Variants in POLA1 observed in about 807,000 individuals in gnomAD.
POLA1 encodes DNA polymerase alpha catalytic subunit.
Under a neutral mutation model 124.0 loss-of-function variants are expected in POLA1, and 15 were observed. The ratio of observed to expected loss-of-function variants is 0.12; its 90% confidence interval spans 0.08 to 0.19. POLA1 has a LOEUF of 0.19. Ranked by LOEUF, POLA1 falls within the 10% of genes least tolerant of loss-of-function variation. The probability of loss-of-function intolerance (pLI) is 1.00; values close to 1 mark genes in which losing one functional copy is unlikely to be tolerated. For synonymous variants in POLA1, 408 were observed against 389.4 expected (o/e 1.05, Z -0.56); for missense variants, 886 against 1,103.4 (o/e 0.80, Z 2.79).
At chrX:24,793,336 T>TA (rs1298572935) in intron 26 of POLA1, among the ~76,000 whole-genome samples, 2 of 103,565 alleles carry the variant, frequency 1.9e-5, no homozygotes, top group Non-Finnish European at 3.9e-5. Flanking sequence ...TGTTGCTTTG[T>TA]GTGAGTCTAC....
At chrX:24,823,151 A>G in intron 31 of POLA1, among the ~76,000 whole-genome samples, 1 of 111,586 alleles carries the variant, frequency 9.0e-6, no homozygotes, top group Non-Finnish European at 1.9e-5. Context: ...ATTTCCATCC[A>G]CTGGTATGTG....
chrX:24,828,892 C>T (rs968053617), intron 32 of POLA1, among the ~76,000 whole-genome samples: 2 of 111,682 alleles, frequency 1.8e-5, no homozygotes, highest in Non-Finnish European at 3.8e-5. Context: ...TTGTTAGTTC[C>T]AGAAGTCATA....
intron 26 of POLA1, among the ~76,000 whole-genome samples, chrX:24,760,822 G>A (rs1033962008): frequency 9.0e-6 from 1 of 111,656 alleles, no homozygotes; most frequent in Non-Finnish European, 1.9e-5. Context: ...TGAAGAAGCC[G>A]TTTGATTTTC....
intron 32 of POLA1, among the ~76,000 whole-genome samples, chrX:24,838,685 C>A (rs1251611277): frequency 1.8e-5 from 2 of 111,753 alleles, no homozygotes; most frequent in Non-Finnish European, 3.8e-5. Flanking sequence ...GCATGTAGGG[C>A]AAGTGCAGTA....
intron 2 of POLA1, among the ~76,000 whole-genome samples, chrX:24,702,990 T>A (rs1928559904): frequency 8.9e-6 from 1 of 112,052 alleles, no homozygotes; most frequent in African/African-American, 3.2e-5. Context: ...AGATGAGTAA[T>A]TGATGGTATG....
rs1380088845 is a variant in POLA1 at position 24,787,837 on chromosome X, T to G, written c.2965-22061T>G. Among the ~76,000 whole-genome samples the G allele has an allele frequency of 4.5e-5, 5 of 112,120 alleles. No homozygotes were observed. The East Asian group carries it at 1.4e-3, about 31-fold the overall frequency. On this transcript the variant is annotated intron_variant, in intron 26 of 36. Transcript: ENST00000379068. ...ATACTTTAACAATATTAATTCTCATTGTAAAGATGATAATTCATTTTATGA... is the reference window on the plus strand; with the variant it reads ...ATACTTTAACAATATTAATTCTCATGGTAAAGATGATAATTCATTTTATGA...
At chrX:24,890,440 T>C (rs1300618379) in intron 35 of POLA1, among the ~76,000 whole-genome samples, 1 of 112,160 alleles carries the variant, frequency 8.9e-6, no homozygotes, top group Non-Finnish European at 1.9e-5. Flanking sequence ...TTGGGCATTT[T>C]AGGCTATTTT....
At chrX:24,849,777 C>T (rs1309604085) in intron 34 of POLA1, among the ~76,000 whole-genome samples, 1 of 110,664 alleles carries the variant, frequency 9.0e-6, no homozygotes, top group Non-Finnish European at 1.9e-5. Flanking sequence ...ACTACAGGCA[C>T]CTGCTACCAA....
intron 26 of POLA1, among the ~76,000 whole-genome samples, chrX:24,795,091 T>C (rs1277688476): frequency 9.0e-6 from 1 of 111,224 alleles, no homozygotes; most frequent in African/African-American, 3.3e-5. Flanking sequence ...TAATTTTACA[T>C]GCTCTTAGCT....
rs1439297325 is a variant in POLA1, at chrX:24,693,952, A to G, written c.-10A>G. 1.7e-6 allele frequency: 2 copies of G among 1,192,662 alleles called. No homozygotes were observed. The highest frequency in any genetic ancestry group is 2.3e-6 in the Non-Finnish European group (2 of 885,611). Reference sequence around the variant, plus strand: ...GGGCTGGTTGGCGCGGAATCGGGAGATTCGGGACCATGGCACCTGTGCACG... The same window carrying G: ...GGGCTGGTTGGCGCGGAATCGGGAGGTTCGGGACCATGGCACCTGTGCACG... On this transcript the variant is annotated 5_prime_UTR_variant, in exon 1 of 37. Coordinates refer to ENST00000379068, the MANE Select transcript of POLA1 (RefSeq NM_001330360.2).
intron 36 of POLA1, among the ~76,000 whole-genome samples, chrX:24,962,228 T>C (rs1309413489): frequency 9.0e-6 from 1 of 111,449 alleles, no homozygotes; most frequent in Admixed American, 9.6e-5. Context: ...GTTGGTAATA[T>C]TGATCACATG....
chrX:24,814,554 A>G (rs902650897), intron 29 of POLA1, among the ~76,000 whole-genome samples: 2 of 112,184 alleles, frequency 1.8e-5, no homozygotes, highest in Admixed American at 1.9e-4. Context: ...TCAGGTGGAG[A>G]TGATATCTTG....
chrX:24,912,477 T>C (rs1467320730), intron 35 of POLA1, among the ~76,000 whole-genome samples: 6 of 111,937 alleles, frequency 5.4e-5, no homozygotes. Flanking sequence ...ACAAAGGTCC[T>C]GTATCCAGTA....
intron 36 of POLA1, among the ~76,000 whole-genome samples, chrX:24,987,716 G>A (rs746305537): frequency 6.3e-5 from 7 of 111,397 alleles, no homozygotes; most frequent in African/African-American, 9.8e-5. Context: ...AAACAAATAC[G>A]GAACCCAAGA....
rs141687228 is a variant in POLA1 at position 24,900,642 on chromosome X, C to T, written c.4164+12520C>T. Among the ~76,000 whole-genome samples the T allele has an allele frequency of 3.4e-4, 38 of 112,012 alleles. No individual in the cohort carries two copies. The East Asian group carries it at 5.3e-3, about 16-fold the overall frequency. On this transcript the variant is annotated intron_variant, in intron 35 of 36. Coordinates refer to ENST00000379068, the MANE Select transcript of POLA1 (RefSeq NM_001330360.2). ...AAGATGTAGGCAGATGCATTTCCGC[C>T]GCTTCAAGGAAGGGTGCCGAATGTG...
intron 34 of POLA1, among the ~76,000 whole-genome samples, chrX:24,878,490 G>A (rs1419470307): frequency 1.8e-5 from 2 of 111,120 alleles, no homozygotes; most frequent in Non-Finnish European, 3.8e-5. Context: ...CTGAATAAAG[G>A]CAGGGGAGAG....
Position 24,888,117 on chromosome X carries a change from C to G in POLA1, c.4159C>G (p.Pro1387Ala). 1 of 1,127,061 alleles carries G rather than the reference C, an allele frequency of 8.9e-7. No individual in the cohort carries two copies. Among genetic ancestry groups the G allele is most frequent in the Admixed American group, 2.2e-5 (1 of 45,810 alleles). The allele number at this position is 1,127,061 out of a possible 1,213,427, so 92.9% of individuals were successfully genotyped here. A position where few individuals can be genotyped will look rare whatever the true frequency, so the allele number is the denominator to read the frequency against. ...AGCCTGCATGAAAGCTACACTTCAA[C>G]CAGAGGTAACAGTCTCATAATGCTA... is the stretch of plus-strand genomic sequence containing the variant. ...CPACMKATLQ[P>A]EYSDKSLYTQ... is the part of the protein sequence containing the mutation. The change falls in exon 35 of 37, where the codon CCA (proline) becomes GCA (alanine). Residue 1387 changes from proline (P) to alanine (A), a missense_variant. Coordinates refer to ENST00000379068, the MANE Select transcript of POLA1 (RefSeq NM_001330360.2).
At chrX:24,771,729 A>AT (rs1380821755) in intron 26 of POLA1, among the ~76,000 whole-genome samples, 1 of 111,470 alleles carries the variant, frequency 9.0e-6, no homozygotes, top group African/African-American at 3.3e-5. Context: ...TACTGTTGGT[A>AT]TTTTTTTTCT....
At position 24,809,909 on chromosome X, in the gene POLA1, T is replaced by A; in HGVS notation, c.2976T>A (p.His992Gln). Residue 992 changes from histidine to glutamine, a missense_variant, in exon 27 of 37, where the codon CAT (histidine) becomes CAA (glutamine). His to Gln is a conservative substitution (Grantham distance 24). Coordinates refer to ENST00000379068, the MANE Select transcript of POLA1 (RefSeq NM_001330360.2). ...VTYKGREILMHTKEMVQKMNL... is the reference protein window; with the variant it reads ...VTYKGREILMQTKEMVQKMNL... ...TTTGTTTCATTTAGATTTTGATGCATACGAAAGAGATGGTACAAAAGGTAA... is the reference window on the plus strand; with the variant it reads ...TTTGTTTCATTTAGATTTTGATGCAAACGAAAGAGATGGTACAAAAGGTAA... The A allele has an allele frequency of 9.1e-7, 1 of 1,096,895 alleles. No homozygotes were observed. Among genetic ancestry groups the A allele is most frequent in the Non-Finnish European group, 1.2e-6 (1 of 802,294 alleles). 90.4% of individuals were successfully genotyped at this position (1,096,895 alleles called of 1,213,427 possible).
Sources: gnomAD v4.1 joint callset for allele counts (sites outside exome capture counted in the v4.1 genomes callset) on GRCh38, gnomAD v4.1.1 for gene constraint, MANE v1.5 for transcripts, NCBI Gene and HGNC (gene_info 2026-07-23, HGNC 2026-07-21) for gene names.